The following EMID1 variants were observed in gnomAD, a reference collection of about 807,000 sequenced individuals.
The protein encoded by EMID1 is EMI domain-containing protein 1.
EMID1 carries 40 observed loss-of-function variants against 60.6 expected under a neutral mutation model. The ratio of observed to expected loss-of-function variants is 0.66; its 90% confidence interval spans 0.51 to 0.86. The LOEUF (loss-of-function observed/expected upper bound fraction) is 0.86. Among genes scored for constraint, EMID1 ranks in the 40% least tolerant of loss-of-function variants. The pLI, the probability that EMID1 is intolerant of heterozygous loss-of-function variation, is 0.00. For synonymous variants in EMID1, 242 were observed against 231.0 expected (o/e 1.05, Z -0.43); for missense variants, 585 against 597.1 (o/e 0.98, Z 0.21).
chr22:29,221,059 G>T (rs2040271438), intron 3 of EMID1, among the ~76,000 whole-genome samples: 1 of 144,004 alleles, frequency 6.9e-6, no homozygotes, highest in African/African-American at 2.6e-5. Context: ...AGGGCATGGG[G>T]TGGGAACGTG....
intron 3 of EMID1, chr22:29,216,470 C>T: frequency 1.0e-6 from 1 of 985,482 alleles, no homozygotes; most frequent in African/African-American, 1.7e-5. Context: ...TCCTGAGAAC[C>T]AGGCCCAGAG....
intron 13 of EMID1, among the ~76,000 whole-genome samples, chr22:29,244,570 C>T (rs1239571159): frequency 3.3e-5 from 5 of 150,618 alleles, no homozygotes; most frequent in African/African-American, 1.2e-4. Context: ...ACCCAGGAGG[C>T]AGAGGTTGCA....
At chr22:29,235,378 A>G (rs2040909585) in intron 12 of EMID1, among the ~76,000 whole-genome samples, 1 of 150,526 alleles carries the variant, frequency 6.6e-6, no homozygotes, top group Non-Finnish European at 1.5e-5. Context: ...AGTGCATCAT[A>G]TGACTTGGGT....
Position 29,254,299 on chromosome 22 carries a change from CAG to C in EMID1, c.1204+14_1204+15del. 4 of 1,612,666 alleles carry C rather than the reference CAG, an allele frequency of 2.5e-6. No homozygotes were observed. The highest frequency in any genetic ancestry group is 3.4e-6 in the Non-Finnish European group (4 of 1,178,686). On this transcript the variant is annotated intron_variant, in intron 14 of 14. Coordinates refer to ENST00000334018, the MANE Select transcript of EMID1 (RefSeq NM_133455.4). ...GATTGGGCTCTATGGTGAGTAGAGACAGACAGACGGACAGACGGCCCAGCCCC... is the reference window on the plus strand; with the variant it reads ...GATTGGGCTCTATGGTGAGTAGAGACACAGACGGACAGACGGCCCAGCCCC...
At chr22:29,208,918 G>A (rs2039778183) in intron 1 of EMID1, among the ~76,000 whole-genome samples, 1 of 152,198 alleles carries the variant, frequency 6.6e-6, no homozygotes, top group Non-Finnish European at 1.5e-5. Flanking sequence ...AGGAAATTCT[G>A]CTGTCCCCAT....
chr22:29,255,236 A>T, intron 14 of EMID1: 1 of 1,063,326 alleles, frequency 9.4e-7, no homozygotes, highest in Non-Finnish European at 1.2e-6. Context: ...CGGAGGCCAG[A>T]CTCGCACCGT....
In EMID1 at chr22:29,233,303, T is replaced by G; in HGVS notation, c.824-76T>G. On this transcript the variant is annotated intron_variant, in intron 8 of 14. Coordinates refer to ENST00000334018, the MANE Select transcript of EMID1 (RefSeq NM_133455.4). ...GCCCCATAGGGCAGTCCAAGCTGTC[T>G]TGGCAGAGGTGGCAGGTGAAGACTA... is the stretch of plus-strand genomic sequence containing the variant. The G allele has an allele frequency of 2.0e-6, 3 of 1,530,504 alleles. No homozygotes were observed. In the East Asian group the frequency reaches 6.7e-5, roughly 34 times the overall value. The allele number at this position is 1,530,504 out of a possible 1,614,324, so 94.8% of individuals were successfully genotyped here.
chr22:29,236,968 T>A lies in EMID1; in HGVS notation c.1074+2619T>A, dbSNP rs562168191. On this transcript the variant is annotated intron_variant, in intron 12 of 14. Transcript: ENST00000334018. ...CCCACCACCATACCTGGCTAATTTT[T>A]GTATTTTTAGTAGAGATGGGGTTTC... Among the ~76,000 whole-genome samples the A allele has an allele frequency of 9.9e-5, 15 of 151,470 alleles. No individual in the cohort carries two copies. The South Asian group carries it at 1.3e-3, about 13-fold the overall frequency.
At chr22:29,231,980 C>T (rs1171238620) in intron 7 of EMID1, 3 of 587,720 alleles carry the variant, frequency 5.1e-6, no homozygotes, top group Non-Finnish European at 9.0e-6. Context: ...CAGGGCTGGG[C>T]AGAGGAGAAG....
chr22:29,213,328 A>C (rs1445252815), intron 1 of EMID1, among the ~76,000 whole-genome samples: 5 of 152,080 alleles, frequency 3.3e-5, no homozygotes, highest in Non-Finnish European at 7.4e-5. Context: ...GGCACCTGTC[A>C]CCTCTGCATG....
At chr22:29,224,192 G>C (rs2040408246) in intron 3 of EMID1, among the ~76,000 whole-genome samples, 1 of 152,234 alleles carries the variant, frequency 6.6e-6, no homozygotes, top group Non-Finnish European at 1.5e-5. Flanking sequence ...GACCCGTCTG[G>C]TTTGAGTTCC....
chr22:29,227,648 T>C (rs1334243875), intron 5 of EMID1, among the ~76,000 whole-genome samples: 1 of 141,406 alleles, frequency 7.1e-6, no homozygotes, highest in African/African-American at 2.7e-5. Flanking sequence ...GAGGTTGTAG[T>C]GAGCCAAGAT....
chr22:29,236,281 AG>A (rs1161469391), intron 12 of EMID1, among the ~76,000 whole-genome samples: 1 of 152,210 alleles, frequency 6.6e-6, no homozygotes, highest in African/African-American at 2.4e-5. Context: ...CTGTAGATTC[AG>A]CTACCTGAGA....
chr22:29,244,196 T>G (rs2146381758), intron 13 of EMID1, among the ~76,000 whole-genome samples: 1 of 152,110 alleles, frequency 6.6e-6, no homozygotes, highest in South Asian at 2.1e-4. Flanking sequence ...GCCTAGAAAC[T>G]CTCACATATA....
At chr22:29,258,114 G>A (rs534162492) in intron 14 of EMID1, among the ~76,000 whole-genome samples, 10 of 152,274 alleles carry the variant, frequency 6.6e-5, no homozygotes, top group South Asian at 2.1e-4. Flanking sequence ...GTCCTCCACC[G>A]TGGCCCTCTC....
chr22:29,226,250 C>T (rs2040504943), intron 4 of EMID1, among the ~76,000 whole-genome samples: 1 of 152,226 alleles, frequency 6.6e-6, no homozygotes, highest in Non-Finnish European at 1.5e-5. Flanking sequence ...GGTCAGGTCC[C>T]TGGTCCTGCT....
At chr22:29,248,179 A>G (rs756977103) in intron 13 of EMID1, among the ~76,000 whole-genome samples, 1 of 151,326 alleles carries the variant, frequency 6.6e-6, no homozygotes, top group East Asian at 1.9e-4. Flanking sequence ...GGCTGGTCTC[A>G]AACTCCTGAC....
intron 13 of EMID1, among the ~76,000 whole-genome samples, chr22:29,253,243 G>A (rs889473829): frequency 1.3e-5 from 2 of 152,158 alleles, no homozygotes; most frequent in African/African-American, 4.8e-5. Context: ...CCAGGAGATC[G>A]AGGCCAGCCT....
chr22:29,229,749 C>T (rs2040659891), intron 5 of EMID1, among the ~76,000 whole-genome samples: 1 of 152,142 alleles, frequency 6.6e-6, no homozygotes, highest in South Asian at 2.1e-4. Flanking sequence ...GTTCCAGGAG[C>T]AGTTCCCTGA....
Sources: gnomAD v4.1 joint callset for allele counts (sites outside exome capture counted in the v4.1 genomes callset) on GRCh38, gnomAD v4.1.1 for gene constraint, MANE v1.5 for transcripts, NCBI Gene and HGNC (gene_info 2026-07-23, HGNC 2026-07-21) for gene names.